The following ASIP variants were observed in gnomAD, a reference collection of about 807,000 sequenced individuals.
ASIP encodes agouti-signaling protein.
Under a neutral mutation model 10.3 loss-of-function variants are expected in ASIP, and 11 were observed. That is an observed-to-expected ratio of 1.07 (90% CI 0.68 to 1.78). The LOEUF is 1.78. ASIP is among the 40% of genes most tolerant of loss of function. The pLI, the probability that ASIP is intolerant of heterozygous loss-of-function variation, is 0.00. For missense variants in ASIP, 180 were observed against 169.2 expected (o/e 1.06, Z -0.35); for synonymous variants, 70 against 70.8 (o/e 0.99, Z 0.06).
chr20:34,222,015 T>C (rs548851326), intron 1 of ASIP, among the ~76,000 whole-genome samples: 106 of 152,036 alleles, frequency 7.0e-4, no homozygotes, highest in African/African-American at 2.2e-3. Context: ...GAGGCTGAAG[T>C]GGGAGGATTG....
intron 1 of ASIP, among the ~76,000 whole-genome samples, chr20:34,195,794 T>C (rs1037502587): frequency 2.7e-5 from 4 of 150,488 alleles, no homozygotes; most frequent in Admixed American, 6.6e-5. Flanking sequence ...CCTTTTTTTT[T>C]GTTTTGTTTT....
upstream of ASIP, among the ~76,000 whole-genome samples, chr20:34,192,100 G>A (rs1291015110): frequency 1.3e-5 from 2 of 151,308 alleles, no homozygotes; most frequent in Non-Finnish European, 2.9e-5. Context: ...GCAATGGCCC[G>A]ATCTCGGCTC....
intron 2 of ASIP, 100 bp downstream of exon 2, chr20:34,260,634 C>A: frequency 7.8e-7 from 1 of 1,282,746 alleles, no homozygotes; most frequent in Non-Finnish European, 1.1e-6. Flanking sequence ...ATGGTCACGG[C>A]TCCTTCTTGC....
intron 1 of ASIP, among the ~76,000 whole-genome samples, chr20:34,200,947 A>G (rs1318943001): frequency 1.6e-5 from 2 of 127,336 alleles, no homozygotes; most frequent in Admixed American, 7.4e-5. Flanking sequence ...TTCAAACTTG[A>G]TTTTCTTTCT....
At chr20:34,234,183 C>T (rs949921037) in intron 1 of ASIP, among the ~76,000 whole-genome samples, 3 of 152,224 alleles carry the variant, frequency 2.0e-5, no homozygotes, top group African/African-American at 7.2e-5. Flanking sequence ...TGAGCCCTTA[C>T]CATGCACACC....
intron 1 of ASIP, chr20:34,246,030 G>T: frequency 3.1e-6 from 3 of 967,222 alleles, no homozygotes; most frequent in South Asian, 1.3e-5. Flanking sequence ...CATGAATTAT[G>T]TCATCTGTAA....
At chr20:34,211,002 T>C (rs868319842) in intron 1 of ASIP, among the ~76,000 whole-genome samples, 3 of 152,338 alleles carry the variant, frequency 2.0e-5, no homozygotes, top group Admixed American at 6.5e-5. Context: ...AAATTTGATA[T>C]GTAATTTTTC....
chr20:34,214,332 T>C, intron 1 of ASIP: 1 of 1,318,624 alleles, frequency 7.6e-7, no homozygotes, highest in South Asian at 1.2e-5. Context: ...TGTGAAAAAC[T>C]TTTCATATCT....
chr20:34,262,547 G>C (rs77433280), intron 2 of ASIP, among the ~76,000 whole-genome samples: 16 of 152,322 alleles, frequency 1.1e-4, no homozygotes, highest in African/African-American at 3.6e-4. Context: ...CACTTAGGTC[G>C]AGGGACCAGG....
intron 1 of ASIP, among the ~76,000 whole-genome samples, chr20:34,236,232 T>A (rs1414337407): frequency 1.3e-5 from 2 of 152,096 alleles, no homozygotes; most frequent in African/African-American, 2.4e-5. Flanking sequence ...TCTAGGTGGT[T>A]TAAATGATTC....
chr20:34,213,943 T>C, intron 1 of ASIP: 1 of 1,575,230 alleles, frequency 6.3e-7, no homozygotes, highest in Non-Finnish European at 8.6e-7. Context: ...TTGCCTTTCT[T>C]CATCTTGTGC....
At chr20:34,263,661 C>CTTTTTTTTTTTTTTTT (rs200772515) in intron 3 of ASIP, among the ~76,000 whole-genome samples, 1 of 134,420 alleles carries the variant, frequency 7.4e-6, no homozygotes. Context: ...TATTTTATGT[C>CTTTTTTTTTTTTTTTT]TTTTTTTTTT....
chr20:34,251,998 G>A (rs1227536470), intron 1 of ASIP, among the ~76,000 whole-genome samples: 1 of 152,218 alleles, frequency 6.6e-6, no homozygotes, highest in Non-Finnish European at 1.5e-5. Context: ...ACTAAGACAG[G>A]ATTCATAGAA....
intron 1 of ASIP, among the ~76,000 whole-genome samples, chr20:34,221,222 C>T (rs941381776): frequency 1.1e-4 from 17 of 151,752 alleles, no homozygotes; most frequent in African/African-American, 4.1e-4. Context: ...ACTAAAAATA[C>T]AGAAAATTAG....
intron 1 of ASIP, among the ~76,000 whole-genome samples, chr20:34,208,730 T>G (rs1327325129): frequency 6.6e-6 from 1 of 152,236 alleles, no homozygotes; most frequent in African/African-American, 2.4e-5. Flanking sequence ...TTAACAATAT[T>G]GATTCTTCCA....
At chr20:34,243,622 T>G (rs2035318083) in intron 1 of ASIP, among the ~76,000 whole-genome samples, 1 of 152,116 alleles carries the variant, frequency 6.6e-6, no homozygotes, top group African/African-American at 2.4e-5. Flanking sequence ...AATACATATG[T>G]AACACATACC....
At chr20:34,204,688 CTT>C (rs2034923410) in intron 1 of ASIP, among the ~76,000 whole-genome samples, 1 of 152,138 alleles carries the variant, frequency 6.6e-6, no homozygotes. Flanking sequence ...TGTAGTTACT[CTT>C]TATCAGATTG....
chr20:34,244,304 C>T (rs927808915), intron 1 of ASIP, among the ~76,000 whole-genome samples: 1 of 152,176 alleles, frequency 6.6e-6, no homozygotes, highest in African/African-American at 2.4e-5. Context: ...AGACATGTTT[C>T]ACTTGCTATT....
chr20:34,231,537 C>T (rs922856563), intron 1 of ASIP, among the ~76,000 whole-genome samples: 4 of 152,184 alleles, frequency 2.6e-5, no homozygotes, highest in East Asian at 1.9e-4. Flanking sequence ...TGGGCTTTGT[C>T]GAAATTAATA....
Sources: gnomAD v4.1 joint callset for allele counts (sites outside exome capture counted in the v4.1 genomes callset) on GRCh38, gnomAD v4.1.1 for gene constraint, MANE v1.5 for transcripts, NCBI Gene and HGNC (gene_info 2026-07-23, HGNC 2026-07-21) for gene names.